WWOX: variants seen among roughly 807,000 people sequenced by gnomAD.
WWOX encodes the protein WW domain containing oxidoreductase.
A neutral mutation model predicts 46.2 loss-of-function variants in WWOX; 69 were observed. That is an observed-to-expected ratio of 1.49 (90% CI 1.23 to 1.82). The LOEUF (loss-of-function observed/expected upper bound fraction) is 1.82, where lower values mean the gene tolerates loss of function less well. Among genes scored for constraint, WWOX ranks in the 40% most tolerant of loss-of-function variants. The pLI is 0.00. For missense variants in WWOX, 919 were observed against 542.6 expected, an observed-to-expected ratio of 1.69 and a Z score of -6.89; for synonymous variants, 359 against 202.6, an observed-to-expected ratio of 1.77 and a Z score of -6.56.
At position 78,628,551 on chromosome 16, in the gene WWOX, A is replaced by T. The variant is rs573135900; in HGVS notation, c.1056+195799A>T. Among the ~76,000 whole-genome samples the T allele has an allele frequency of 2.0e-5, 3 of 152,136 alleles. No homozygotes were observed. The East Asian group carries it at 5.8e-4, about 29-fold the overall frequency. On this transcript the variant is annotated intron_variant, in intron 8 of 8. Coordinates refer to ENST00000566780, the MANE Select transcript of WWOX (RefSeq NM_016373.4). ...AACTATATTTTCTTCCTTTTTTTGTATGCCTCCCCATGCAAGGATAATTAC... is the reference window on the plus strand; with the variant it reads ...AACTATATTTTCTTCCTTTTTTTGTTTGCCTCCCCATGCAAGGATAATTAC...
intron 8 of WWOX, among the ~76,000 whole-genome samples, chr16:78,712,052 C>A (rs1173082593): frequency 1.3e-5 from 2 of 152,142 alleles, no homozygotes; most frequent in East Asian, 3.9e-4. Context: ...TCTTGGTCTC[C>A]TATATCTTAT....
chr16:78,517,442 G>A (rs1199685376), intron 8 of WWOX, among the ~76,000 whole-genome samples: 1 of 152,036 alleles, frequency 6.6e-6, no homozygotes, highest in Admixed American at 6.6e-5. Flanking sequence ...GTTTAAATAT[G>A]AATGTCTTGT....
intron 8 of WWOX, among the ~76,000 whole-genome samples, chr16:79,052,534 A>C (rs112397606): frequency 0.055 from 8,347 of 152,286 alleles, 793 homozygotes; most frequent in African/African-American, 0.19. Flanking sequence ...AACCAACCCA[A>C]ATGTCCAACA....
At chr16:78,283,085 G>T (rs893096378) in intron 5 of WWOX, among the ~76,000 whole-genome samples, 8 of 152,050 alleles carry the variant, frequency 5.3e-5, no homozygotes, top group African/African-American at 1.9e-4. Context: ...CGTGGACATA[G>T]CCTCTCAAGT....
chr16:78,838,885 T>G (rs931483577), intron 8 of WWOX, among the ~76,000 whole-genome samples: 24 of 151,884 alleles, frequency 1.6e-4, no homozygotes, highest in Admixed American at 1.3e-3. Flanking sequence ...AACAGATAAG[T>G]GATTGCCAGG....
At chr16:78,980,352 G>A (rs1050365096) in intron 8 of WWOX, among the ~76,000 whole-genome samples, 6 of 152,210 alleles carry the variant, frequency 3.9e-5, no homozygotes, top group African/African-American at 1.4e-4. Flanking sequence ...GTAAACACTT[G>A]CACTGCTAAT....
chr16:79,208,689 TACTATTGAGATTTC>T (rs1295385635), intron 8 of WWOX, among the ~76,000 whole-genome samples: 1 of 152,158 alleles, frequency 6.6e-6, no homozygotes, highest in Non-Finnish European at 1.5e-5. Flanking sequence ...CCTGCTTGTT[TACTATTGAGATTTC>T]ACTAATGTGC....
chr16:78,999,735 G>A (rs930320858), intron 8 of WWOX, among the ~76,000 whole-genome samples: 7 of 152,048 alleles, frequency 4.6e-5, no homozygotes, highest in Non-Finnish European at 1.0e-4. Flanking sequence ...GGGGGATGAG[G>A]GTTGGAAAAT....
intron 8 of WWOX, among the ~76,000 whole-genome samples, chr16:78,611,782 C>T (rs569098987): frequency 3.2e-4 from 49 of 152,286 alleles, no homozygotes; most frequent in Non-Finnish European, 6.2e-4. Flanking sequence ...GTATCAGCTT[C>T]AGTCAAGGAA....
rs527742529 is a variant in WWOX, at chr16:78,746,806, C to T, written c.1056+314054C>T. 1.8e-4 allele frequency among the ~76,000 whole-genome samples: 27 copies of T among 152,230 alleles called. 1 individual carries two copies. The South Asian group carries it at 4.6e-3, about 26-fold the overall frequency. On this transcript the variant is annotated intron_variant, in intron 8 of 8. Transcript: ENST00000566780. ...AACCCAGTCAATATCAGGCCAACCT[C>T]AACCAATTCTTAGACTAGTGAGTGA...
At chr16:78,694,290 G>C (rs2048053175) in intron 8 of WWOX, among the ~76,000 whole-genome samples, 1 of 152,182 alleles carries the variant, frequency 6.6e-6, no homozygotes, top group African/African-American at 2.4e-5. Context: ...GATCCCCCCA[G>C]AGACCTGTGG....
At chr16:78,659,154 G>A (rs2047153145) in intron 8 of WWOX, among the ~76,000 whole-genome samples, 1 of 151,580 alleles carries the variant, frequency 6.6e-6, no homozygotes, top group African/African-American at 2.4e-5. Context: ...ACATAAATTT[G>A]GAAGAAATGC....
At chr16:78,384,314 C>G (rs890388362) in intron 5 of WWOX, among the ~76,000 whole-genome samples, 3 of 152,060 alleles carry the variant, frequency 2.0e-5, no homozygotes, top group African/African-American at 7.2e-5. Context: ...GAGGCAGGGA[C>G]CAGAGGACTT....
intron 8 of WWOX, among the ~76,000 whole-genome samples, chr16:78,913,615 G>T (rs1164417175): frequency 6.6e-6 from 1 of 151,512 alleles, no homozygotes; most frequent in African/African-American, 2.4e-5. Context: ...CTGTATCATA[G>T]TAGCAAGCAT....
chr16:78,775,827 G>C (rs984232655), intron 8 of WWOX, among the ~76,000 whole-genome samples: 4 of 152,208 alleles, frequency 2.6e-5, no homozygotes, highest in Admixed American at 6.5e-5. Flanking sequence ...GAATCTATGA[G>C]TGAATGTGAT....
intron 5 of WWOX, among the ~76,000 whole-genome samples, chr16:78,180,874 G>A (rs1451629105): frequency 6.6e-6 from 1 of 152,156 alleles, no homozygotes; most frequent in Non-Finnish European, 1.5e-5. Context: ...CTGTGCTTGA[G>A]GGTGTCATCG....
At chr16:79,179,171 G>C (rs1233164668) in intron 8 of WWOX, among the ~76,000 whole-genome samples, 1 of 152,222 alleles carries the variant, frequency 6.6e-6, no homozygotes, top group Non-Finnish European at 1.5e-5. Context: ...ATAATTAAAA[G>C]TCCTGTCTTC....
At chr16:79,090,874 A>T (rs554802962) in intron 8 of WWOX, among the ~76,000 whole-genome samples, 1 of 152,118 alleles carries the variant, frequency 6.6e-6, no homozygotes, top group East Asian at 1.9e-4. Context: ...GCTCACTGCA[A>T]CCTTTGCCTC....
chr16:78,963,459 C>T (rs954805153), intron 8 of WWOX, among the ~76,000 whole-genome samples: 2 of 152,112 alleles, frequency 1.3e-5, no homozygotes, highest in Non-Finnish European at 2.9e-5. Flanking sequence ...CAGAGTAATA[C>T]CCCGTCTCAG....
Sources: gnomAD v4.1 joint callset for allele counts (sites outside exome capture counted in the v4.1 genomes callset) on GRCh38, gnomAD v4.1.1 for gene constraint, MANE v1.5 for transcripts, NCBI Gene and HGNC (gene_info 2026-07-23, HGNC 2026-07-21) for gene names.